The following RNF19A variants were observed in gnomAD, a reference collection of about 807,000 sequenced individuals.
RNF19A encodes the protein ring finger protein 19A, RBR E3 ubiquitin protein ligase.
A neutral mutation model predicts 75.7 loss-of-function variants in RNF19A; 32 were observed. That is an observed-to-expected ratio of 0.42 (90% confidence interval 0.32 to 0.57). The LOEUF (loss-of-function observed/expected upper bound fraction) is 0.57, where lower values mean the gene tolerates loss of function less well. RNF19A is among the 20% of genes least tolerant of loss of function. The probability of loss-of-function intolerance (pLI) is 0.10; values close to 1 mark genes in which losing one functional copy is unlikely to be tolerated. For synonymous variants in RNF19A, 335 were observed against 345.2 expected (o/e 0.97, Z 0.33); for missense variants, 782 against 1,036.3 (o/e 0.75, Z 3.37).
At position 100,259,122 on chromosome 8, in the gene RNF19A, T is replaced by C. The variant is rs1397005995; in HGVS notation, c.1951A>G (p.Ser651Gly). ...ATRSHAGGSS[S>G]GLPEGKSSAT... ...CTAGATTTACCTTCAGGCAAGCCAC[T>C]GGATGAACCGCCAGCATGACTTCGG... Residue 651 changes from serine to glycine, a missense_variant, in exon 10 of 10, where the codon AGT becomes GGT. Transcript: ENST00000341084. This position sits in a 1 kb window ranked among gnomAD's most constrained non-coding sequence, Gnocchi z 4.5. The C allele has an allele frequency of 1.2e-5, 20 of 1,614,098 alleles. No homozygotes were observed. Among genetic ancestry groups the C allele is most frequent in the Non-Finnish European group, 1.7e-5 (20 of 1,180,048 alleles).
intron 5 of RNF19A, 100 bp downstream of exon 5, chr8:100,268,683 TAA>T (rs34297750): frequency 0.33 from 114,186 of 350,982 alleles, 8,825 homozygotes; most frequent in African/African-American, 0.45. Flanking sequence ...ACCCTTTGTC[TAA>T]AAAAAAAAAA....
intron 2 of RNF19A, among the ~76,000 whole-genome samples, chr8:100,278,296 T>C (rs939480863): frequency 9.9e-5 from 15 of 152,270 alleles, no homozygotes; most frequent in Admixed American, 7.2e-4. Context: ...GTGACTATCA[T>C]TTCTACATAA....
intron 1 of RNF19A, among the ~76,000 whole-genome samples, chr8:100,301,115 T>C (rs1297179662): frequency 6.6e-6 from 1 of 152,208 alleles, no homozygotes; most frequent in Non-Finnish European, 1.5e-5. Flanking sequence ...TAAAATTAAA[T>C]TTTAGTTCCT....
At position 100,261,394 on chromosome 8, in the gene RNF19A, G is replaced by A; in HGVS notation, c.1682+148C>T. The stretch of plus-strand genomic sequence containing the variant: ...ATTACAGGCGTGAGCCACTGCACCT[G>A]GCCCCAAATTTCATTTTTAACATTA... On this transcript the variant is annotated intron_variant, in intron 8 of 9. Transcript: ENST00000341084. The surrounding 1 kb of genome is among the most constrained non-coding windows in gnomAD (Gnocchi z 4.4). 1.4e-6 allele frequency: 1 copy of A among 730,516 alleles called. No homozygotes were observed. The highest frequency in any genetic ancestry group is 2.3e-6 in the Non-Finnish European group (1 of 443,514). The allele number at this position is 730,516 out of a possible 1,614,324, so 45.3% of individuals were successfully genotyped here. A position where few individuals can be genotyped will look rare whatever the true frequency, so the allele number is the denominator to read the frequency against.
intron 1 of RNF19A, chr8:100,309,523 T>A (rs1822205949): frequency 2.0e-6 from 2 of 985,302 alleles, no homozygotes; most frequent in African/African-American, 3.5e-5. Context: ...CCTCGGCCCG[T>A]CATAATATCG....
At chr8:100,307,034 T>C (rs1055300940) in intron 1 of RNF19A, among the ~76,000 whole-genome samples, 5 of 152,206 alleles carry the variant, frequency 3.3e-5, no homozygotes, top group African/African-American at 1.2e-4. Flanking sequence ...GTTTGCCAAA[T>C]ACAATGCAAT....
upstream of RNF19A, chr8:100,310,096 T>A: frequency 4.1e-6 from 4 of 985,426 alleles, no homozygotes; most frequent in Non-Finnish European, 4.8e-6. Context: ...GCGCCGCAAC[T>A]ACCACCTCCC....
intron 1 of RNF19A, among the ~76,000 whole-genome samples, chr8:100,292,711 A>G (rs1821366229): frequency 6.6e-6 from 1 of 152,124 alleles, no homozygotes; most frequent in Non-Finnish European, 1.5e-5. Context: ...TTACCTCAAC[A>G]CCAGTTACTG....
rs200906445 is a variant in RNF19A, at chr8:100,298,905, GA to G, written c.-93-10639del. Among the ~76,000 whole-genome samples the G allele has an allele frequency of 2.8e-3, 419 of 152,294 alleles. 3 individuals carry two copies. The highest frequency in any genetic ancestry group is 9.4e-3 in the African/African-American group (389 of 41,548). On this transcript the variant is annotated intron_variant, in intron 1 of 9. Coordinates refer to ENST00000341084, the MANE Select transcript of RNF19A (RefSeq NM_183419.4). ...AATACACCATTAGGAAAACCACAGG[GA>G]AAGCAGAGCGCAAAATGCCAGGTAT...
Position 100,324,778 on chromosome 8 carries a change from GATCT to G in RNF19A, c.-243+11326_-243+11329del, listed in dbSNP as rs1230793600. ...GATAGGAAAATTGATTAAAGGCATT[GATCT>G]ATCTTTTTTCTTTCTTTCTCTTTCT... is the stretch of plus-strand genomic sequence containing the variant. On this transcript the variant is annotated intron_variant, in intron 1 of 3. Transcript: ENST00000519527. This position sits in a 1 kb window ranked among gnomAD's most constrained non-coding sequence, Gnocchi z 4.2. 5.3e-5 allele frequency among the ~76,000 whole-genome samples: 8 copies of G among 152,086 alleles called. No individual in the cohort carries two copies. The South Asian group carries it at 6.3e-4, about 12-fold the overall frequency.
At position 100,257,856 on chromosome 8, in the gene RNF19A, A is replaced by G. The variant is rs1336887998; in HGVS notation, c.*700T>C. 1 of 395,360 alleles carries G rather than the reference A, an allele frequency of 2.5e-6. No homozygotes were observed. Among genetic ancestry groups the G allele is most frequent in the Non-Finnish European group, 4.5e-6 (1 of 224,242 alleles). 24.5% of individuals were successfully genotyped at this position (395,360 alleles called of 1,614,324 possible). ...TTTATTTTGTAGTTTTATGTATCTT[A>G]TTTGTTGCTGTCATATGCTTAATTA... On this transcript the variant is annotated 3_prime_UTR_variant, in exon 10 of 10. Transcript: ENST00000341084.
At chr8:100,306,296 CTT>C (rs1171609702) in intron 1 of RNF19A, among the ~76,000 whole-genome samples, 6 of 152,172 alleles carry the variant, frequency 3.9e-5, no homozygotes, top group Non-Finnish European at 7.3e-5. Context: ...AATGCACAAA[CTT>C]ATTTCAGAGT....
chr8:100,292,986 G>C (rs1399936360), intron 1 of RNF19A, among the ~76,000 whole-genome samples: 3 of 152,136 alleles, frequency 2.0e-5, no homozygotes, highest in Non-Finnish European at 4.4e-5. Flanking sequence ...TGGAGGTGGG[G>C]GGTGGGAGCA....
rs1819694873 is a variant in RNF19A, at chr8:100,261,179, C to A, written c.1682+363G>T. Among the ~76,000 whole-genome samples, 1 of 152,066 alleles carries A rather than the reference C, an allele frequency of 6.6e-6. No homozygotes were observed. The highest frequency in any genetic ancestry group is 6.6e-5 in the Admixed American group (1 of 15,266). ...GTGTGATCTTGGCTGACTGCAGCCT[C>A]CAACTCCCAGGCTCAAGTGATCCTC... On this transcript the variant is annotated intron_variant, in intron 8 of 9. Transcript: ENST00000341084. This position sits in a 1 kb window ranked among gnomAD's most constrained non-coding sequence, Gnocchi z 4.4.
At chr8:100,320,205 A>G (rs1354826962) in intron 1 of RNF19A, among the ~76,000 whole-genome samples, 4 of 152,236 alleles carry the variant, frequency 2.6e-5, no homozygotes, top group Non-Finnish European at 5.9e-5. Context: ...CTATTGTTTT[A>G]TATTTTAAAT....
At position 100,258,266 on chromosome 8, in the gene RNF19A, TTCTA is replaced by T. The variant is rs1483130269; in HGVS notation, c.*286_*289del. The stretch of plus-strand genomic sequence containing the variant: ...ATTGATTATATAAATTAAGACCAAT[TTCTA>T]TCTAAGTATGTGCTTCAAGCAATGT... On this transcript the variant is annotated 3_prime_UTR_variant, in exon 10 of 10. Transcript: ENST00000341084. This position sits in a 1 kb window ranked among gnomAD's most constrained non-coding sequence, Gnocchi z 4.3. 1.4e-5 allele frequency: 6 copies of T among 420,528 alleles called. No individual in the cohort carries two copies. Among genetic ancestry groups the T allele is most frequent in the Non-Finnish European group, 2.1e-5 (5 of 239,744 alleles). The allele number at this position is 420,528 out of a possible 1,614,324, so 26.0% of individuals were successfully genotyped here.
At chr8:100,302,462 T>C (rs894404136) in intron 1 of RNF19A, among the ~76,000 whole-genome samples, 1 of 152,194 alleles carries the variant, frequency 6.6e-6, no homozygotes, top group Non-Finnish European at 1.5e-5. Flanking sequence ...GACCAGAAGT[T>C]CATTTTTAGA....
intron 1 of RNF19A, among the ~76,000 whole-genome samples, chr8:100,335,038 T>C (rs1239449614): frequency 6.6e-6 from 1 of 152,196 alleles, no homozygotes; most frequent in Admixed American, 6.5e-5. Context: ...TTTGTTTTAA[T>C]TGGAAATGCA....
intron 2 of RNF19A, among the ~76,000 whole-genome samples, chr8:100,285,029 A>G (rs1022119373): frequency 9.8e-5 from 15 of 152,310 alleles, no homozygotes; most frequent in African/African-American, 3.6e-4. Context: ...TCAAGAGGTA[A>G]CCAATAAAAC....
Sources: gnomAD v4.1 joint callset for allele counts (sites outside exome capture counted in the v4.1 genomes callset) on GRCh38, gnomAD v4.1.1 for gene constraint, Gnocchi (gnomAD v3.1) non-coding constraint, MANE v1.5 for transcripts, NCBI Gene and HGNC (gene_info 2026-07-23, HGNC 2026-07-21) for gene names.